The following P3H2 variants were observed in gnomAD, a reference collection of about 807,000 sequenced individuals.
P3H2 encodes prolyl 3-hydroxylase 2, also known as leprecan-like 1.
Under a neutral mutation model 87.0 loss-of-function variants are expected in P3H2, and 80 were observed. That is an observed-to-expected ratio of 0.92 (90% CI 0.77 to 1.11). P3H2 has a LOEUF of 1.11. Among genes scored for constraint, P3H2 ranks in the 50% least tolerant of loss-of-function variants. The pLI is 0.00. For synonymous variants in P3H2, 367 were observed against 359.3 expected (o/e 1.02, Z -0.24); for missense variants, 1,001 against 923.9 (o/e 1.08, Z -1.08).
intron 8 of P3H2, among the ~76,000 whole-genome samples, chr3:189,982,096 T>C (rs1449118433): frequency 1.3e-5 from 2 of 152,074 alleles, no homozygotes; most frequent in East Asian, 3.9e-4. Context: ...TGCAATTCTT[T>C]CATCAATAGG....
intron 1 of P3H2, among the ~76,000 whole-genome samples, chr3:190,113,598 T>G (rs1490835401): frequency 6.6e-6 from 1 of 152,202 alleles, no homozygotes; most frequent in Non-Finnish European, 1.5e-5. Flanking sequence ...GGTGAACCTA[T>G]CCACCTTTCA....
chr3:190,066,693 T>G (rs1198209536), intron 1 of P3H2, among the ~76,000 whole-genome samples: 1 of 152,154 alleles, frequency 6.6e-6, no homozygotes, highest in Non-Finnish European at 1.5e-5. Context: ...AAAAATCTGA[T>G]AGTGAAATCC....
rs182248215 is a variant in P3H2, at chr3:189,959,530, C to T, written c.2035-1526G>A. Among the ~76,000 whole-genome samples, 26 of 151,246 alleles carry T rather than the reference C, an allele frequency of 1.7e-4. No homozygotes were observed. In the South Asian group the frequency reaches 2.7e-3, roughly 16 times the overall value. On this transcript the variant is annotated intron_variant, in intron 14 of 14. Coordinates refer to ENST00000319332, the MANE Select transcript of P3H2 (RefSeq NM_018192.4). ...GTTTGTTCTCTCTTCTTATTCATAC[C>T]TTTCTCTCTTCTTTAGGTTTATTTT... is the stretch of plus-strand genomic sequence containing the variant.
chr3:190,107,265 A>G (rs1711880524), intron 1 of P3H2, among the ~76,000 whole-genome samples: 1 of 152,208 alleles, frequency 6.6e-6, no homozygotes, highest in Non-Finnish European at 1.5e-5. Context: ...ATGGATATAC[A>G]TTTATACCTA....
chr3:190,050,131 GAAC>G (rs1366382719), intron 1 of P3H2, among the ~76,000 whole-genome samples: 2 of 152,102 alleles, frequency 1.3e-5, no homozygotes, highest in African/African-American at 4.8e-5. Flanking sequence ...TTCCCCATGT[GAAC>G]AAAATTGCTA....
At chr3:189,967,289 G>A (rs1354653639) in intron 13 of P3H2, among the ~76,000 whole-genome samples, 1 of 151,304 alleles carries the variant, frequency 6.6e-6, no homozygotes. Flanking sequence ...TAGATTCTGG[G>A]TTTTTAAAAA....
chr3:190,059,694 C>T (rs1726276213), intron 1 of P3H2, among the ~76,000 whole-genome samples: 1 of 152,118 alleles, frequency 6.6e-6, no homozygotes, highest in Admixed American at 6.6e-5. Context: ...ATCCTGGTAG[C>T]ATCTTTAGGA....
chr3:189,966,123 AAAAGAAAG>A (rs34608513), intron 13 of P3H2, among the ~76,000 whole-genome samples: 8,801 of 101,324 alleles, frequency 0.087, 484 homozygotes, highest in African/African-American at 0.097. Context: ...GAAAGAAAGA[AAAAGAAAG>A]AAAGAAAGAA....
chr3:190,104,876 A>G (rs904467496), intron 1 of P3H2, among the ~76,000 whole-genome samples: 2 of 152,178 alleles, frequency 1.3e-5, no homozygotes, highest in African/African-American at 4.8e-5. Flanking sequence ...GTGTTCTGGC[A>G]TGTGTGTCTT....
intron 2 of P3H2, 57 bp from the exon 3 acceptor site, chr3:189,994,340 A>AAAC (rs1415348016): frequency 1.6e-5 from 24 of 1,461,172 alleles, no homozygotes; most frequent in Non-Finnish European, 2.0e-5. Context: ...AAACAAAAAA[A>AAAC]CCCTTATTTT....
intron 1 of P3H2, among the ~76,000 whole-genome samples, chr3:190,025,382 T>C (rs943612897): frequency 6.6e-6 from 1 of 152,184 alleles, no homozygotes; most frequent in Non-Finnish European, 1.5e-5. Flanking sequence ...ATAAGTAGCA[T>C]GGTGAGTTAG....
At position 189,969,175 on chromosome 3, in the gene P3H2, A is replaced by G. The variant is rs1723096243; in HGVS notation, c.1893+1641T>C. The G allele has an allele frequency of 7.5e-6, 5 of 666,808 alleles. No individual in the cohort carries two copies. In the East Asian group the frequency reaches 1.1e-4, roughly 15 times the overall value. 41.3% of individuals were successfully genotyped at this position (666,808 alleles called of 1,614,324 possible). A position where few individuals can be genotyped will look rare whatever the true frequency, so the allele number is the denominator to read the frequency against. ...GGTCTGTAAGTCCCGGTCCACCAAA[A>G]CTGCTTCCTCGTGCTCCTTCCAGCA... On this transcript the variant is annotated intron_variant, in intron 13 of 14. Coordinates refer to ENST00000319332, the MANE Select transcript of P3H2 (RefSeq NM_018192.4).
intron 1 of P3H2, among the ~76,000 whole-genome samples, chr3:190,080,216 C>T (rs1304764222): frequency 1.3e-5 from 2 of 152,060 alleles, no homozygotes; most frequent in African/African-American, 4.8e-5. Context: ...TTGAGGCAAA[C>T]CCAGTATTTG....
intron 1 of P3H2, among the ~76,000 whole-genome samples, chr3:190,002,694 C>T (rs1043262434): frequency 6.6e-6 from 1 of 152,088 alleles, no homozygotes; most frequent in Non-Finnish European, 1.5e-5. Context: ...CCACCGTGCC[C>T]GGCATTATGT....
chr3:190,115,101 C>T (rs6788208), intron 1 of P3H2, among the ~76,000 whole-genome samples: 28,670 of 151,996 alleles, frequency 0.19, 3,611 homozygotes, highest in African/African-American at 0.36. Context: ...AAAGGAAGTT[C>T]CAAGAGGACT....
chr3:189,959,541 C>A (rs1722748388), intron 14 of P3H2, among the ~76,000 whole-genome samples: 1 of 151,766 alleles, frequency 6.6e-6, no homozygotes, highest in African/African-American at 2.4e-5. Context: ...TTTCTCTCTT[C>A]TTTAGGTTTA....
rs1478654410 is a variant in P3H2, at chr3:190,019,783, AAAATAT to A, written c.481-24347_481-24342del. On this transcript the variant is annotated intron_variant, in intron 1 of 14. Transcript: ENST00000319332. ...CCATGTGACATTACCTAGAAATTAA[AAAATAT>A]ATATATATATATATATATATATATA... Among the ~76,000 whole-genome samples, 260 of 99,214 alleles carry A rather than the reference AAAATAT, an allele frequency of 2.6e-3. 29 individuals are homozygous for A. Among genetic ancestry groups the A allele is most frequent in the African/African-American group, 0.011 (252 of 23,674 alleles). 65.1% of individuals were successfully genotyped at this position (99,214 alleles called of 152,430 possible).
intron 1 of P3H2, among the ~76,000 whole-genome samples, chr3:190,061,711 C>T (rs964493520): frequency 6.6e-6 from 1 of 152,132 alleles, no homozygotes; most frequent in Non-Finnish European, 1.5e-5. Context: ...CAAACTGGTG[C>T]CAGATACCAT....
intron 1 of P3H2, among the ~76,000 whole-genome samples, chr3:190,066,276 T>C (rs1299334327): frequency 6.6e-6 from 1 of 151,768 alleles, no homozygotes; most frequent in Non-Finnish European, 1.5e-5. Context: ...GGTATATACA[T>C]ACATATATAT....
Sources: allele counts gnomAD v4.1 joint callset (sites outside exome capture counted in the v4.1 genomes callset), GRCh38; gene constraint gnomAD v4.1.1; transcripts MANE v1.5; gene names NCBI Gene and HGNC (gene_info 2026-07-23, HGNC 2026-07-21).